The following LTBP1 variants were observed in gnomAD, a reference collection of about 807,000 sequenced individuals.
The protein encoded by LTBP1 is latent transforming growth factor beta binding protein 1.
In LTBP1, 129 loss-of-function variants were observed where a neutral mutation model predicts 207.6. The ratio of observed to expected loss-of-function variants is 0.62; its 90% CI spans 0.54 to 0.72. The LOEUF (loss-of-function observed/expected upper bound fraction) is 0.72. LTBP1 is among the 30% of genes least tolerant of loss of function. LTBP1 has a pLI of 0.00. For synonymous variants in LTBP1, 963 were observed against 833.7 expected, an observed-to-expected ratio of 1.16 and a Z score of -2.67; for missense variants, 2,281 against 2,217.2, an observed-to-expected ratio of 1.03 and a Z score of -0.58.
intron 7 of LTBP1, among the ~76,000 whole-genome samples, chr2:33,209,245 C>T (rs1172068183): frequency 6.6e-6 from 1 of 152,104 alleles, no homozygotes; most frequent in Non-Finnish European, 1.5e-5. Context: ...GAAACCATTG[C>T]TATCTAAACC....
intron 3 of LTBP1, among the ~76,000 whole-genome samples, chr2:33,036,053 A>G (rs1174473782): frequency 6.6e-6 from 1 of 152,176 alleles, no homozygotes; most frequent in Non-Finnish European, 1.5e-5. Context: ...TGACTTTTAA[A>G]CAAATGTCAT....
In LTBP1 at chr2:33,134,786, C is replaced by T. The variant is rs2082017403; in HGVS notation, c.1034-7C>T. Reference sequence around the variant, plus strand: ...GTTGTTCTTTTTCTCCCTGCCTCCGCTCCTAGTGAGTAACCACACTGGCCG... The same window carrying T: ...GTTGTTCTTTTTCTCCCTGCCTCCGTTCCTAGTGAGTAACCACACTGGCCG... On this transcript the variant is annotated splice_region_variant and splice_polypyrimidine_tract_variant and intron_variant, in intron 4 of 33. Transcript: ENST00000404816. This position sits in a 1 kb window ranked among gnomAD's most constrained non-coding sequence, Gnocchi z 4.4. 6.2e-7 allele frequency: 1 copy of T among 1,614,026 alleles called. No individual in the cohort carries two copies. The highest frequency in any genetic ancestry group is 1.3e-5 in the African/African-American group (1 of 74,912).
chr2:33,132,907 A>G (rs534307555), intron 4 of LTBP1, among the ~76,000 whole-genome samples: 4 of 152,320 alleles, frequency 2.6e-5, no homozygotes, highest in Admixed American at 2.6e-4. Flanking sequence ...GAGGCATTAG[A>G]TTGTGAGGCC....
At chr2:33,181,434 G>C (rs2086625584) in intron 5 of LTBP1, among the ~76,000 whole-genome samples, 1 of 152,188 alleles carries the variant, frequency 6.6e-6, no homozygotes, top group Non-Finnish European at 1.5e-5. Context: ...TGAAACGCCT[G>C]ACTTATTTAA....
chr2:33,226,219 T>C (rs2091430032), intron 9 of LTBP1, among the ~76,000 whole-genome samples: 2 of 152,204 alleles, frequency 1.3e-5, no homozygotes, highest in African/African-American at 2.4e-5. Context: ...CTGGCAAATT[T>C]CAGTCTGTGT....
At chr2:33,033,469 C>A (rs1196257271) in intron 3 of LTBP1, among the ~76,000 whole-genome samples, 1 of 152,076 alleles carries the variant, frequency 6.6e-6, no homozygotes, top group Non-Finnish European at 1.5e-5. Flanking sequence ...AAGTACAAAC[C>A]ACTTCTAGGT....
chr2:33,225,934 A>G (rs1317482804), intron 9 of LTBP1, among the ~76,000 whole-genome samples: 1 of 152,156 alleles, frequency 6.6e-6, no homozygotes, highest in Admixed American at 6.5e-5. Flanking sequence ...ATGACTGATT[A>G]GTATTCTGTT....
intron 3 of LTBP1, among the ~76,000 whole-genome samples, chr2:33,105,000 T>A (rs2079975376): frequency 6.6e-6 from 1 of 152,186 alleles, no homozygotes; most frequent in South Asian, 2.1e-4. Flanking sequence ...GCTGATTTGA[T>A]CCTCAAGTCC....
chr2:33,181,790 C>T (rs1448790569), intron 5 of LTBP1, among the ~76,000 whole-genome samples: 1 of 152,170 alleles, frequency 6.6e-6, no homozygotes, highest in East Asian at 1.9e-4. Flanking sequence ...CAATAACGTA[C>T]TCTTTTCCTC....
At chr2:33,306,134 T>G (rs990943832) in intron 22 of LTBP1, among the ~76,000 whole-genome samples, 3 of 152,218 alleles carry the variant, frequency 2.0e-5, no homozygotes, top group Non-Finnish European at 2.9e-5. Flanking sequence ...AAAAAAAATT[T>G]AAACTAAACC....
intron 5 of LTBP1, among the ~76,000 whole-genome samples, chr2:33,175,219 C>T (rs1279693617): frequency 1.3e-5 from 2 of 151,122 alleles, no homozygotes; most frequent in African/African-American, 4.8e-5. Context: ...AGTGAACAGG[C>T]AACCTACAAA....
chr2:33,090,685 T>C (rs372754601), intron 3 of LTBP1, among the ~76,000 whole-genome samples: 1 of 152,188 alleles, frequency 6.6e-6, no homozygotes, highest in South Asian at 2.1e-4. Context: ...CTGTTGATGA[T>C]CTTTGCTGTC....
intron 24 of LTBP1, among the ~76,000 whole-genome samples, chr2:33,320,652 G>A (rs1285801098): frequency 6.6e-6 from 1 of 152,168 alleles, no homozygotes; most frequent in Non-Finnish European, 1.5e-5. Flanking sequence ...GATGGCAGCC[G>A]AGGACTTTCT....
intron 31 of LTBP1, among the ~76,000 whole-genome samples, chr2:33,383,082 G>T (rs938175916): frequency 1.3e-5 from 2 of 152,196 alleles, no homozygotes; most frequent in African/African-American, 2.4e-5. Context: ...TTGGCTGGGC[G>T]CAGTGGCTCA....
chr2:33,371,981 T>G (rs564312783), intron 31 of LTBP1, among the ~76,000 whole-genome samples: 6 of 152,324 alleles, frequency 3.9e-5, no homozygotes, highest in African/African-American at 1.4e-4. Context: ...CATTAGTCAC[T>G]TAGTAGCAGC....
intron 2 of LTBP1, among the ~76,000 whole-genome samples, chr2:32,997,193 A>C (rs1172000836): frequency 6.6e-6 from 1 of 151,886 alleles, no homozygotes; most frequent in East Asian, 2.0e-4. Flanking sequence ...CCTGGATGGA[A>C]CTTAATCTCC....
intron 18 of LTBP1, among the ~76,000 whole-genome samples, chr2:33,276,992 G>A (rs1285332748): frequency 8.5e-5 from 13 of 152,352 alleles, no homozygotes; most frequent in Admixed American, 4.6e-4. Context: ...GGGCACGGGA[G>A]CATGGTGCTG....
At position 32,961,553 on chromosome 2, in the gene LTBP1, T is replaced by TC. The variant is rs137915549; in HGVS notation, c.565+12615dup. Among the ~76,000 whole-genome samples, 256 of 151,974 alleles carry TC rather than the reference T, an allele frequency of 1.7e-3. 1 individual carries two copies. The highest frequency in any genetic ancestry group is 5.5e-3 in the African/African-American group (226 of 41,462). ...GTATGCTCTTCTGAGGTTTTGTTCATCCCCCCCACCTCAACATCTAATTTA... is the reference window on the plus strand; with the variant it reads ...GTATGCTCTTCTGAGGTTTTGTTCATCCCCCCCCACCTCAACATCTAATTTA... On this transcript the variant is annotated intron_variant, in intron 2 of 33. Transcript: ENST00000404816.
chr2:32,963,419 C>T (rs115272722), intron 2 of LTBP1, among the ~76,000 whole-genome samples: 1,899 of 151,730 alleles, frequency 0.013, 14 homozygotes, highest in Non-Finnish European at 0.019. Context: ...CTGTGTTGCC[C>T]AGGCTGGTCT....
Sources: allele counts gnomAD v4.1 joint callset (sites outside exome capture counted in the v4.1 genomes callset), GRCh38; gene constraint gnomAD v4.1.1; non-coding constraint Gnocchi (gnomAD v3.1); transcripts MANE v1.5; gene names NCBI Gene and HGNC (gene_info 2026-07-23, HGNC 2026-07-21).